Variants in ENO4 observed in about 807,000 individuals in gnomAD.
The protein encoded by ENO4 is enolase 4.
A neutral mutation model predicts 63.2 loss-of-function variants in ENO4; 53 were observed. The observed-to-expected ratio is 0.84, with a 90% CI of 0.67 to 1.05. ENO4 has a LOEUF of 1.05. Among genes scored for constraint, ENO4 ranks in the 50% least tolerant of loss-of-function variants. ENO4 has a pLI of 0.00. For synonymous variants in ENO4, 266 were observed against 283.8 expected (o/e 0.94, Z 0.63); for missense variants, 719 against 772.0 (o/e 0.93, Z 0.81).
At chr10:116,862,257 A>G (rs1238425754) in intron 6 of ENO4, among the ~76,000 whole-genome samples, 2 of 152,136 alleles carry the variant, frequency 1.3e-5, no homozygotes, top group Non-Finnish European at 2.9e-5. Flanking sequence ...TGAGGTCAGG[A>G]GTTCGAGACC....
chr10:116,865,584 G>A (rs770233900), intron 7 of ENO4, among the ~76,000 whole-genome samples: 13 of 152,164 alleles, frequency 8.5e-5, no homozygotes, highest in Non-Finnish European at 1.5e-4. Context: ...TTTTGATGAA[G>A]TGAAATGTAG....
chr10:116,872,905 C>T (rs138268566), intron 9 of ENO4, among the ~76,000 whole-genome samples: 2,099 of 152,148 alleles, frequency 0.014, 135 homozygotes, highest in Admixed American at 0.11. Context: ...TCTAAAGAAA[C>T]TAAGCACATA....
intron 10 of ENO4, among the ~76,000 whole-genome samples, chr10:116,891,589 C>T (rs1348248778): frequency 1.3e-5 from 2 of 152,168 alleles, no homozygotes; most frequent in African/African-American, 4.8e-5. Context: ...TATATTTTCT[C>T]TGGTGTAAAA....
chr10:116,851,507 G>A lies in ENO4; in HGVS notation c.165+1776G>A, dbSNP rs535305706. ...AGACTCCGTCTCAAAAAGAAAAACA[G>A]AAAAAAGCAATCTCCTTTTCCTTTT... On this transcript the variant is annotated intron_variant, in intron 1 of 13. Coordinates refer to ENST00000341276, the MANE Select transcript of ENO4 (RefSeq NM_001242699.2). Among the ~76,000 whole-genome samples the A allele has an allele frequency of 8.7e-4, 133 of 152,338 alleles. 2 individuals are homozygous for A. The South Asian group carries it at 0.026, about 30-fold the overall frequency.
intron 10 of ENO4, among the ~76,000 whole-genome samples, chr10:116,899,261 G>A (rs185259725): frequency 2.6e-5 from 4 of 152,248 alleles, no homozygotes; most frequent in Admixed American, 1.3e-4. Flanking sequence ...CTGCTCTAGG[G>A]AGAAATGACG....
intron 3 of ENO4, among the ~76,000 whole-genome samples, chr10:116,856,944 G>A (rs1353164914): frequency 1.5e-4 from 22 of 151,090 alleles, no homozygotes; most frequent in African/African-American, 4.6e-4. Flanking sequence ...AGCTGAGATC[G>A]CGCCACTGGA....
At chr10:116,904,777 G>A (rs539118176) in intron 10 of ENO4, among the ~76,000 whole-genome samples, 1 of 152,290 alleles carries the variant, frequency 6.6e-6, no homozygotes, top group African/African-American at 2.4e-5. Flanking sequence ...ACTCTGAAAT[G>A]TGAGTATTGC....
chr10:116,889,520 G>A lies in ENO4; in HGVS notation c.1194+9534G>A, dbSNP rs868709398. 6.6e-4 allele frequency among the ~76,000 whole-genome samples: 101 copies of A among 152,250 alleles called. No individual in the cohort carries two copies. In the Middle Eastern group the frequency reaches 0.014, roughly 21 times the overall value. On this transcript the variant is annotated intron_variant, in intron 10 of 10. Coordinates refer to the ENO4 transcript ENST00000369207. The stretch of plus-strand genomic sequence containing the variant: ...CCACTGCCTTAGAATCCCAGTGGAA[G>A]GTGGAAAGGGACTAGGGCAATCGTC...
chr10:116,849,819 C>T (rs1042947981), intron 1 of ENO4, 88 bp downstream of exon 1: 50 of 1,395,326 alleles, frequency 3.6e-5, no homozygotes, highest in Admixed American at 1.0e-4. Flanking sequence ...GCGCCTGCGC[C>T]TCAGAATCTC....
intron 10 of ENO4, among the ~76,000 whole-genome samples, chr10:116,903,695 C>T (rs964045434): frequency 6.6e-6 from 1 of 152,140 alleles, no homozygotes. Context: ...CTCTATTCTG[C>T]CCTTGGGTAA....
intron 10 of ENO4, among the ~76,000 whole-genome samples, chr10:116,908,961 A>G (rs1848082503): frequency 4.6e-5 from 7 of 152,200 alleles, no homozygotes; most frequent in Admixed American, 4.6e-4. Context: ...GGAGGAAAGA[A>G]AGGTTTCTGC....
At chr10:116,849,762 G>A in intron 1 of ENO4, 31 bp downstream of exon 1, 1 of 1,477,712 alleles carries the variant, frequency 6.8e-7, no homozygotes. Flanking sequence ...CTCTCCTCCC[G>A]CCAACCCCTC....
chr10:116,859,855 G>A (rs1185208867), intron 4 of ENO4, among the ~76,000 whole-genome samples: 1 of 152,186 alleles, frequency 6.6e-6, no homozygotes, highest in Non-Finnish European at 1.5e-5. Context: ...AGGGACCAAA[G>A]AGACCAGGGA....
At chr10:116,907,387 A>G (rs1848012338) in intron 10 of ENO4, among the ~76,000 whole-genome samples, 1 of 152,184 alleles carries the variant, frequency 6.6e-6, no homozygotes, top group African/African-American at 2.4e-5. Context: ...AACACAGGAG[A>G]CAGTTAATGT....
chr10:116,875,955 T>C (rs565924513), intron 10 of ENO4, 110 bp from the exon 11 acceptor site: 37 of 775,730 alleles, frequency 4.8e-5, no homozygotes, highest in Middle Eastern at 5.1e-4. Context: ...GAAAATTGTT[T>C]TGTGCATCTC....
At chr10:116,900,571 T>C in intron 10 of ENO4, 1 of 1,534,528 alleles carries the variant, frequency 6.5e-7, no homozygotes, top group African/African-American at 1.4e-5. Flanking sequence ...GAAAAATCTA[T>C]ACACACACAC....
intron 10 of ENO4, among the ~76,000 whole-genome samples, chr10:116,893,065 G>A (rs553006132): frequency 4.5e-4 from 69 of 152,316 alleles, no homozygotes; most frequent in Non-Finnish European, 8.2e-4. Context: ...GTAATTTTGA[G>A]ATTTACTCAA....
rs1374823946 is a variant in ENO4 at position 116,849,732 on chromosome 10, G to C, written c.165+1G>C. 1 of 1,520,106 alleles carries C rather than the reference G, an allele frequency of 6.6e-7. No individual in the cohort carries two copies. Among genetic ancestry groups the C allele is most frequent in the Non-Finnish European group, 8.8e-7 (1 of 1,131,502 alleles). The allele number at this position is 1,520,106 out of a possible 1,614,324, so 94.2% of individuals were successfully genotyped here. On this transcript the variant is annotated splice_donor_variant, in intron 1 of 13. Coordinates refer to ENST00000341276, the MANE Select transcript of ENO4 (RefSeq NM_001242699.2). LOFTEE classifies it high-confidence loss of function. ...GCCTGCCGACGTCTACGGGCACCTG[G>C]TAGGGACCTGGGACAAGCGCTCTCC... is the stretch of plus-strand genomic sequence containing the variant.
At chr10:116,855,923 GT>G (rs1233225047) in intron 2 of ENO4, among the ~76,000 whole-genome samples, 172 bp downstream of exon 2, 1 of 152,096 alleles carries the variant, frequency 6.6e-6, no homozygotes, top group Non-Finnish European at 1.5e-5. Context: ...GCTTTATTAT[GT>G]TTAAGTGTAA....
Sources: gnomAD v4.1 joint callset for allele counts (sites outside exome capture counted in the v4.1 genomes callset) on GRCh38, gnomAD v4.1.1 for gene constraint, MANE v1.5 for transcripts, NCBI Gene and HGNC (gene_info 2026-07-23, HGNC 2026-07-21) for gene names.